The following KAZN variants were observed in gnomAD, a reference collection of about 807,000 sequenced individuals.
The protein encoded by KAZN is kazrin.
KAZN carries 40 observed loss-of-function variants against 87.4 expected under a neutral mutation model. The observed-to-expected ratio is 0.46, with a 90% CI of 0.36 to 0.60. The LOEUF is 0.60. KAZN is among the 20% of genes least tolerant of loss of function. The pLI, the probability that KAZN is intolerant of heterozygous loss-of-function variation, is 0.00. For synonymous variants in KAZN, 466 were observed against 458.3 expected (o/e 1.02, Z -0.22); for missense variants, 898 against 1,073.9 (o/e 0.84, Z 2.29).
intron 1 of KAZN, among the ~76,000 whole-genome samples, chr1:14,015,060 A>G (rs536220905): frequency 6.6e-5 from 10 of 152,192 alleles, no homozygotes; most frequent in African/African-American, 2.4e-4. Context: ...TTTTACTGTA[A>G]TCTCTTTCCT....
At chr1:14,062,058 C>G (rs553325547) in intron 1 of KAZN, among the ~76,000 whole-genome samples, 195 of 152,178 alleles carry the variant, frequency 1.3e-3, no homozygotes, top group African/African-American at 4.6e-3. Flanking sequence ...AAACAGGAAG[C>G]GTGGTGCACC....
chr1:14,982,926 C>T (rs894506675), intron 2 of KAZN, among the ~76,000 whole-genome samples: 1 of 152,186 alleles, frequency 6.6e-6, no homozygotes, highest in African/African-American at 2.4e-5. Flanking sequence ...AAAGGTAGCC[C>T]GCACAGGCAT....
chr1:14,521,154 G>C (rs534078192), intron 2 of KAZN, among the ~76,000 whole-genome samples: 2 of 152,184 alleles, frequency 1.3e-5, no homozygotes, highest in Non-Finnish European at 2.9e-5. Context: ...TGCAGCCAAC[G>C]TAAGGAGAAA....
intron 1 of KAZN, among the ~76,000 whole-genome samples, chr1:14,907,325 C>T (rs886674406): frequency 2.0e-5 from 3 of 151,688 alleles, no homozygotes; most frequent in Non-Finnish European, 2.9e-5. Context: ...TTGCTTGAAC[C>T]CAGGAGATGG....
chr1:14,917,849 TCTTC>T (rs139509752), intron 1 of KAZN, among the ~76,000 whole-genome samples: 3,318 of 148,770 alleles, frequency 0.022, 114 homozygotes, highest in African/African-American at 0.077. Context: ...CTTCTTTCTT[TCTTC>T]CTTCCTTCCT....
chr1:14,830,036 T>A (rs1199394573), intron 1 of KAZN, among the ~76,000 whole-genome samples: 1 of 152,144 alleles, frequency 6.6e-6, no homozygotes, highest in Non-Finnish European at 1.5e-5. Flanking sequence ...GTAATCACAG[T>A]TAAGGGTGGG....
chr1:14,257,049 A>T (rs1451980066), intron 2 of KAZN, among the ~76,000 whole-genome samples: 1 of 152,140 alleles, frequency 6.6e-6, no homozygotes, highest in Non-Finnish European at 1.5e-5. Flanking sequence ...TACCCTTTTA[A>T]TCAGAAAGTT....
At chr1:14,018,515 T>C (rs1350579172) in intron 1 of KAZN, among the ~76,000 whole-genome samples, 1 of 152,130 alleles carries the variant, frequency 6.6e-6, no homozygotes, top group Non-Finnish European at 1.5e-5. Flanking sequence ...TCAACATGAC[T>C]GGATTGAGGG....
chr1:14,562,831 C>T (rs1674335944), intron 2 of KAZN, among the ~76,000 whole-genome samples: 1 of 152,228 alleles, frequency 6.6e-6, no homozygotes, highest in African/African-American at 2.4e-5. Context: ...CATGGCAGTG[C>T]CTTCCAGAGA....
At chr1:14,638,923 G>A (rs1680214300) in intron 1 of KAZN, among the ~76,000 whole-genome samples, 1 of 152,180 alleles carries the variant, frequency 6.6e-6, no homozygotes, top group African/African-American at 2.4e-5. Flanking sequence ...TCAGTGACCT[G>A]TGCTTGTTAC....
intron 2 of KAZN, among the ~76,000 whole-genome samples, chr1:14,390,387 TGA>T (rs1340706058): frequency 2.6e-5 from 4 of 152,158 alleles, no homozygotes; most frequent in Non-Finnish European, 5.9e-5. Flanking sequence ...GGCGAAATCA[TGA>T]GAGGTGGATA....
chr1:14,772,279 T>C (rs1463266640), intron 1 of KAZN, among the ~76,000 whole-genome samples: 2 of 152,124 alleles, frequency 1.3e-5, no homozygotes, highest in East Asian at 1.9e-4. Flanking sequence ...GCCCAGGAGT[T>C]TGAGACCAGC....
At chr1:14,463,484 G>A (rs981928951) in intron 2 of KAZN, among the ~76,000 whole-genome samples, 2 of 152,116 alleles carry the variant, frequency 1.3e-5, no homozygotes, top group African/African-American at 4.8e-5. Context: ...ATTAAGATTA[G>A]TATATTTCTA....
intron 2 of KAZN, among the ~76,000 whole-genome samples, chr1:14,517,667 A>G (rs1169987000): frequency 3.3e-5 from 5 of 152,230 alleles, no homozygotes; most frequent in Admixed American, 6.5e-5. Flanking sequence ...ATATTTGGGT[A>G]GAAAAGAACA....
At chr1:13,916,020 G>T (rs769613254) in intron 1 of KAZN, among the ~76,000 whole-genome samples, 23 of 152,172 alleles carry the variant, frequency 1.5e-4, no homozygotes, top group Non-Finnish European at 2.2e-4. Context: ...GGGGGCCGGG[G>T]AGTGGGGGTT....
intron 2 of KAZN, among the ~76,000 whole-genome samples, chr1:14,421,834 TC>T (rs1251414181): frequency 1.3e-5 from 2 of 151,906 alleles, no homozygotes; most frequent in Non-Finnish European, 2.9e-5. Context: ...TCCCCTCCCC[TC>T]CCCCGGCCTC....
chr1:14,898,542 A>G (rs908831720), intron 1 of KAZN, among the ~76,000 whole-genome samples: 7 of 152,180 alleles, frequency 4.6e-5, no homozygotes, highest in Admixed American at 3.9e-4. Flanking sequence ...AAGAGAAAGC[A>G]AAGGGGGCCT....
intron 2 of KAZN, among the ~76,000 whole-genome samples, chr1:14,215,605 T>G (rs902393195): frequency 2.6e-5 from 4 of 152,192 alleles, no homozygotes; most frequent in Admixed American, 6.5e-5. Context: ...TTGGTGAAGG[T>G]TTCCTTTTTG....
rs1471673247 is a variant in KAZN, at chr1:14,402,977, C to G, written c.250-196006C>G. Among the ~76,000 whole-genome samples the G allele has an allele frequency of 2.0e-5, 3 of 152,066 alleles. No homozygotes were observed. In the South Asian group the frequency reaches 6.2e-4, roughly 32 times the overall value. On this transcript the variant is annotated intron_variant, in intron 2 of 16. Coordinates refer to the KAZN transcript ENST00000636203. ...CAAGTAACTGAAATTACAGTGCATG[C>G]CACCACATCTGGCTAATTTTTGTAT...
Sources: gnomAD v4.1 joint callset for allele counts (sites outside exome capture counted in the v4.1 genomes callset) on GRCh38, gnomAD v4.1.1 for gene constraint, MANE v1.5 for transcripts, NCBI Gene and HGNC (gene_info 2026-07-23, HGNC 2026-07-21) for gene names.